GNAI2: variants seen among roughly 807,000 people sequenced by gnomAD.
GNAI2 encodes G protein subunit alpha i2.
Under a neutral mutation model 36.8 loss-of-function variants are expected in GNAI2, and 4 were observed. That is an observed-to-expected ratio of 0.11 (90% CI 0.05 to 0.25). GNAI2 has a LOEUF of 0.25. GNAI2 is among the 10% of genes least tolerant of loss of function. The probability of loss-of-function intolerance (pLI) is 1.00; values close to 1 mark genes in which losing one functional copy is unlikely to be tolerated. For synonymous variants in GNAI2, 194 were observed against 194.1 expected, an observed-to-expected ratio of 1.00 and a Z score of 0.01; for missense variants, 230 against 481.3, an observed-to-expected ratio of 0.48 and a Z score of 4.89.
rs1393051822 is a variant in GNAI2, at chr3:50,242,973, G to C, written c.118+6520G>C. Among the ~76,000 whole-genome samples, 1 of 152,216 alleles carries C rather than the reference G, an allele frequency of 6.6e-6. No individual in the cohort carries two copies. Among genetic ancestry groups the C allele is most frequent in the African/African-American group, 2.4e-5 (1 of 41,458 alleles). On this transcript the variant is annotated intron_variant, in intron 1 of 8. Coordinates refer to ENST00000313601, the MANE Select transcript of GNAI2 (RefSeq NM_002070.4). The surrounding 1 kb of genome is among the most constrained non-coding windows in gnomAD (Gnocchi z 4.8). The stretch of plus-strand genomic sequence containing the variant: ...ATGGCAGGGCAGGGCTGGGCCTCTC[G>C]GGGAAGTGGTGTCCACACCAGAGGA...
At chr3:50,232,417 C>T (rs1244771672), upstream of GNAI2, among the ~76,000 whole-genome samples, 1 of 152,206 alleles carries the variant, frequency 6.6e-6, no homozygotes, top group African/African-American at 2.4e-5. Context: ...TACATGTTTC[C>T]TCCTGGAGTC....
rs782210208 is a variant in GNAI2, at chr3:50,252,998, G to T, written c.304-26G>T. On this transcript the variant is annotated intron_variant, in intron 3 of 8. Transcript: ENST00000313601. This position sits in a 1 kb window ranked among gnomAD's most constrained non-coding sequence, Gnocchi z 4.1. Reference sequence around the variant, plus strand: ...AGAGTGGGGGTACATTCCTTCAACTGCCTGACCACCCGCCACTGTGCCCAG... The same window carrying T: ...AGAGTGGGGGTACATTCCTTCAACTTCCTGACCACCCGCCACTGTGCCCAG... 6.4e-7 allele frequency: 1 copy of T among 1,558,612 alleles called. No individual in the cohort carries two copies. The highest frequency in any genetic ancestry group is 1.7e-5 in the Admixed American group (1 of 57,654).
intron 1 of GNAI2, chr3:50,251,445 C>T (rs193037876): frequency 1.1e-4 from 115 of 1,051,268 alleles, no homozygotes; most frequent in Admixed American, 3.8e-4. Flanking sequence ...GTGTGAGATA[C>T]GCCGCAGGTC....
At position 50,256,212 on chromosome 3, in the gene GNAI2, G is replaced by A; in HGVS notation, c.485G>A (p.Arg162His). 1 of 1,513,128 alleles carries A rather than the reference G, an allele frequency of 6.6e-7. No individual in the cohort carries two copies. Among genetic ancestry groups the A allele is most frequent in the Non-Finnish European group, 9.1e-7 (1 of 1,100,842 alleles). 93.7% of individuals were successfully genotyped at this position (1,513,128 alleles called of 1,614,324 possible). ...SAAYYLNDLE[R>H]IAQSDYIPTQ... is the part of the protein sequence containing the mutation. ...CCCAGCTACCTGAACGACCTGGAGCGTATTGCACAGAGTGACTACATCCCC... is the reference window on the plus strand; with the variant it reads ...CCCAGCTACCTGAACGACCTGGAGCATATTGCACAGAGTGACTACATCCCC... Residue 162 changes from arginine (R) to histidine (H), a missense_variant, in exon 5 of 9, where the codon CGT (arginine) becomes CAT (histidine). Physicochemically the swap from Arg to His is conservative, Grantham distance 29. Coordinates refer to ENST00000313601, the MANE Select transcript of GNAI2 (RefSeq NM_002070.4).
chr3:50,227,199 C>A, upstream of GNAI2: 1 of 1,414,794 alleles, frequency 7.1e-7, no homozygotes, highest in South Asian at 1.5e-5. This position sits in a 1 kb window ranked among gnomAD's most constrained non-coding sequence, Gnocchi z 5.9. Context: ...TGAGGGTAAG[C>A]CGATGGCGGC....
At position 50,242,134 on chromosome 3, in the gene GNAI2, G is replaced by A. The variant is rs587636702; in HGVS notation, c.118+5681G>A. On this transcript the variant is annotated intron_variant, in intron 1 of 8. Coordinates refer to ENST00000313601, the MANE Select transcript of GNAI2 (RefSeq NM_002070.4). This position sits in a 1 kb window ranked among gnomAD's most constrained non-coding sequence, Gnocchi z 4.8. ...TCTAAAAGCCACCCATTCACTTGGC[G>A]GGAACAGGATGGAGGAAGCTTTGTC... is the stretch of plus-strand genomic sequence containing the variant. 2.6e-5 allele frequency among the ~76,000 whole-genome samples: 4 copies of A among 152,236 alleles called. No homozygotes were observed. The highest frequency in any genetic ancestry group is 4.1e-4 in the South Asian group (2 of 4,826).
At chr3:50,235,799 C>T (rs944057697), upstream of GNAI2, among the ~76,000 whole-genome samples, 1 of 152,212 alleles carries the variant, frequency 6.6e-6, no homozygotes, top group African/African-American at 2.4e-5. Flanking sequence ...ACTCGCCCAA[C>T]TCGCAGAAGC....
intron 1 of GNAI2, among the ~76,000 whole-genome samples, chr3:50,250,037 G>A (rs1406051989): frequency 6.6e-6 from 1 of 152,198 alleles, no homozygotes; most frequent in South Asian, 2.1e-4. Context: ...CTCTAGGAGG[G>A]ACTGCACGGT....
At chr3:50,234,062 A>ATTTTTTT, upstream of GNAI2, among the ~76,000 whole-genome samples, 1 of 82,496 alleles carries the variant, frequency 1.2e-5, no homozygotes, top group Non-Finnish European at 2.4e-5. Flanking sequence ...CGCCCAGCTG[A>ATTTTTTT]TTTTTTTTTT....
chr3:50,254,956 G>T (rs996591025), intron 4 of GNAI2, among the ~76,000 whole-genome samples: 2 of 152,194 alleles, frequency 1.3e-5, no homozygotes, highest in African/African-American at 2.4e-5. Flanking sequence ...TCCCTGGGGC[G>T]AACCCACCTG....
At chr3:50,234,537 A>T (rs1237841526), upstream of GNAI2, among the ~76,000 whole-genome samples, 1 of 152,126 alleles carries the variant, frequency 6.6e-6, no homozygotes, top group African/African-American at 2.4e-5. Flanking sequence ...ATTTTAGTAG[A>T]GACAGGGTTT....
upstream of GNAI2, among the ~76,000 whole-genome samples, chr3:50,232,141 C>G (rs587629546): frequency 6.6e-6 from 1 of 152,084 alleles, no homozygotes; most frequent in South Asian, 2.1e-4. Flanking sequence ...ACCAGCCTGG[C>G]CAACATGGCA....
At chr3:50,246,842 C>G in intron 1 of GNAI2, 1 of 1,319,990 alleles carries the variant, frequency 7.6e-7, no homozygotes, top group Non-Finnish European at 1.0e-6. Flanking sequence ...GTAGGAGTGC[C>G]GGGTTATACT....
chr3:50,228,550 CA>C (rs587623155), upstream of GNAI2, among the ~76,000 whole-genome samples: 24,069 of 94,808 alleles, frequency 0.25, 4,094 homozygotes, highest in East Asian at 0.62. Flanking sequence ...ACTCCGTCTC[CA>C]AAAAAAAAAA....
intron 4 of GNAI2, 137 bp from the exon 5 acceptor site, chr3:50,256,044 CAAAAAAAAAAA>C (rs1170893603): frequency 4.0e-4 from 57 of 142,738 alleles, no homozygotes; most frequent in African/African-American, 2.1e-3. Flanking sequence ...CACTCTGTCT[CAAAAAAAAAAA>C]AAAAAAAAAA....
chr3:50,227,172 T>C (rs1320151294), upstream of GNAI2: 1 of 1,449,932 alleles, frequency 6.9e-7, no homozygotes, highest in Admixed American at 2.5e-5. The surrounding 1 kb of genome is among the most constrained non-coding windows in gnomAD (Gnocchi z 5.9). Flanking sequence ...GAAAGGCGGG[T>C]GTCACTGGGG....
chr3:50,241,303 G>A lies in GNAI2; in HGVS notation c.118+4850G>A, dbSNP rs1429820000. Among the ~76,000 whole-genome samples the A allele has an allele frequency of 1.3e-5, 2 of 152,196 alleles. No individual in the cohort carries two copies. The highest frequency in any genetic ancestry group is 2.4e-5 in the African/African-American group (1 of 41,444). Reference sequence around the variant, plus strand: ...TTGAATGGGGGGCGGGGCGGCTTGGGCCTCTGAGTCTCTTCTTCCCACCCC... The same window carrying A: ...TTGAATGGGGGGCGGGGCGGCTTGGACCTCTGAGTCTCTTCTTCCCACCCC... On this transcript the variant is annotated intron_variant, in intron 1 of 8. Transcript: ENST00000313601. The surrounding 1 kb of genome is among the most constrained non-coding windows in gnomAD (Gnocchi z 5.0).
rs2109181027 is a variant in GNAI2 at position 50,236,892 on chromosome 3, C to A, written c.118+439C>A. Among the ~76,000 whole-genome samples, 1 of 152,282 alleles carries A rather than the reference C, an allele frequency of 6.6e-6. No homozygotes were observed. Among genetic ancestry groups the A allele is most frequent in the South Asian group, 2.1e-4 (1 of 4,828 alleles). The stretch of plus-strand genomic sequence containing the variant: ...TTGGGCATGAGCATCCCGCGGGGCC[C>A]CTGCCAGGCCCCCCACCCACTCCCT... On this transcript the variant is annotated intron_variant, in intron 1 of 8. Transcript: ENST00000313601. This position sits in a 1 kb window ranked among gnomAD's most constrained non-coding sequence, Gnocchi z 4.0.
At chr3:50,246,630 G>A (rs1700431824) in intron 1 of GNAI2, among the ~76,000 whole-genome samples, 1 of 152,240 alleles carries the variant, frequency 6.6e-6, no homozygotes, top group Non-Finnish European at 1.5e-5. Context: ...CTACCCTGTG[G>A]TCCCAGCCGC....
Sources: allele counts gnomAD v4.1 joint callset (sites outside exome capture counted in the v4.1 genomes callset), GRCh38; gene constraint gnomAD v4.1.1; non-coding constraint Gnocchi (gnomAD v3.1); transcripts MANE v1.5; gene names NCBI Gene and HGNC (gene_info 2026-07-23, HGNC 2026-07-21).